The following ZNF544 variants were observed in gnomAD, a reference collection of about 807,000 sequenced individuals.
ZNF544 encodes the protein zinc finger protein 544.
A neutral mutation model predicts 13.5 loss-of-function variants in ZNF544; 10 were observed. The observed-to-expected ratio is 0.74, with a 90% CI of 0.46 to 1.25. The LOEUF (loss-of-function observed/expected upper bound fraction) is 1.25. Among genes scored for constraint, ZNF544 ranks in the 50% most tolerant of loss-of-function variants. The pLI, the probability that ZNF544 is intolerant of heterozygous loss-of-function variation, is 0.00. For missense variants in ZNF544, 896 were observed against 845.6 expected, an observed-to-expected ratio of 1.06 and a Z score of -0.74; for synonymous variants, 323 against 300.5, an observed-to-expected ratio of 1.07 and a Z score of -0.77.
At position 58,249,413 on chromosome 19, in the gene ZNF544, C is replaced by G. The variant is rs1017587336; in HGVS notation, c.244+2619C>G. Among the ~76,000 whole-genome samples the G allele has an allele frequency of 1.1e-4, 16 of 152,152 alleles. 1 individual carries two copies. Among genetic ancestry groups the G allele is most frequent in the African/African-American group, 3.9e-4 (16 of 41,430 alleles). On this transcript the variant is annotated intron_variant, in intron 6 of 6. Transcript: ENST00000687789. The stretch of plus-strand genomic sequence containing the variant: ...GGGTGGTGTCTCCACCTGGAACTGG[C>G]TGGAAACATTGTCACATGATCATCT...
intron 6 of ZNF544, chr19:58,259,373 T>G (rs1467070006): frequency 6.6e-6 from 1 of 152,260 alleles, no homozygotes; most frequent in Non-Finnish European, 1.5e-5. Context: ...CAGAAACTGA[T>G]ATTCTAGGAC....
rs762777697 is a variant in ZNF544 at position 58,262,778 on chromosome 19, TTTCATCC to T, written c.*25_*31del. On this transcript the variant is annotated 3_prime_UTR_variant, in exon 7 of 7. Coordinates refer to ENST00000687789, the MANE Select transcript of ZNF544 (RefSeq NM_014480.4). ...AGGAGTGCAGTCATTGTGGGAAAGC[TTTCATCC>T]AGAGGTCTCCCCTCATCATGCACCA... The T allele has an allele frequency of 2.6e-6, 4 of 1,568,558 alleles. No homozygotes were observed. The South Asian group carries it at 4.8e-5, about 19-fold the overall frequency.
rs372349345 is a variant in ZNF544 at position 58,244,076 on chromosome 19, T to C, written c.33+20T>C. The stretch of plus-strand genomic sequence containing the variant: ...CCCCAGGTGAGTGGGGGGTCTTTGC[T>C]CTCAGTGCCTTGGTCTCCATAGATG... On this transcript the variant is annotated intron_variant, in intron 4 of 6. Coordinates refer to ENST00000687789, the MANE Select transcript of ZNF544 (RefSeq NM_014480.4). The C allele has an allele frequency of 1.7e-5, 28 of 1,600,330 alleles. No homozygotes were observed. In the African/African-American group the frequency reaches 3.8e-4, roughly 21 times the overall value.
At chr19:58,273,461 T>C (rs997022690) in intron 5 of ZNF544, among the ~76,000 whole-genome samples, 2 of 152,002 alleles carry the variant, frequency 1.3e-5, no homozygotes, top group South Asian at 2.1e-4. Flanking sequence ...GAGGCCAAGG[T>C]GGGCGGATCA....
Position 58,263,134 on chromosome 19 carries a change from A to G in ZNF544, c.*380A>G. Reference sequence around the variant, plus strand: ...AGTTATGATACTTTCCTTATTCAACATGAGAAAGCTCATGGGCAAGAAACT... The same window carrying G: ...AGTTATGATACTTTCCTTATTCAACGTGAGAAAGCTCATGGGCAAGAAACT... On this transcript the variant is annotated 3_prime_UTR_variant, in exon 7 of 7. Transcript: ENST00000687789. 1 of 1,011,644 alleles carries G rather than the reference A, an allele frequency of 9.9e-7. No homozygotes were observed. Among genetic ancestry groups the G allele is most frequent in the Non-Finnish European group, 1.2e-6 (1 of 844,828 alleles). 62.7% of individuals were successfully genotyped at this position (1,011,644 alleles called of 1,614,324 possible).
exon 7 of ZNF544, chr19:58,277,195 G>A (rs947444331): frequency 1.9e-5 from 23 of 1,231,298 alleles, no homozygotes; most frequent in Non-Finnish European, 2.3e-5. Context: ...ACGAGGCCCA[G>A]CAAAAAGCAG....
chr19:58,243,982 C>G lies in ZNF544; in HGVS notation c.-42C>G. On this transcript the variant is annotated 5_prime_UTR_variant, in exon 4 of 7. Transcript: ENST00000687789. Reference sequence around the variant, plus strand: ...CACCCCAGACTGGTCTTCTGAGGACCTCTGCCCTCTACACAGCGGCCTCTT... The same window carrying G: ...CACCCCAGACTGGTCTTCTGAGGACGTCTGCCCTCTACACAGCGGCCTCTT... 1 of 1,596,838 alleles carries G rather than the reference C, an allele frequency of 6.3e-7. No homozygotes were observed. Among genetic ancestry groups the G allele is most frequent in the Non-Finnish European group, 8.5e-7 (1 of 1,171,272 alleles).
In ZNF544 at chr19:58,260,836, T is replaced by C. The variant is rs1600388735; in HGVS notation, c.245-15T>C. 11 of 1,559,640 alleles carry C rather than the reference T, an allele frequency of 7.1e-6. 1 individual carries two copies. The Admixed American group carries it at 9.8e-5, about 14-fold the overall frequency. On this transcript the variant is annotated splice_polypyrimidine_tract_variant and intron_variant, in intron 6 of 6. Coordinates refer to ENST00000687789, the MANE Select transcript of ZNF544 (RefSeq NM_014480.4). ...ATGCTTCTCCAGTAACTTAGGCATT[T>C]TGGATTTCTTTCAGACTGGAAAGCT...
chr19:58,240,421 C>T (rs2043319075), intron 3 of ZNF544, among the ~76,000 whole-genome samples: 2 of 151,982 alleles, frequency 1.3e-5, no homozygotes, highest in African/African-American at 4.8e-5. Context: ...CCACGCCCGT[C>T]TAATTTTTTG....
Position 58,261,719 on chromosome 19 carries a change from G to A in ZNF544, c.1113G>A (p.Gln371=), listed in dbSNP as rs2048991417. 1.9e-6 allele frequency: 3 copies of A among 1,614,102 alleles called. No individual in the cohort carries two copies. The Admixed American group carries it at 5.0e-5, about 27-fold the overall frequency. ...TCAGCTGTTGTAAGCTCATACACCAGAGAACACACACTGGAGAAAAGCCCT... is the reference window on the plus strand; with the variant it reads ...TCAGCTGTTGTAAGCTCATACACCAAAGAACACACACTGGAGAAAAGCCCT... ...KSFSCCKLIH[Q]RTHTGEKPFE... Residue 371 remains glutamine, a synonymous_variant, in exon 7 of 7, where the codon CAG becomes CAA. Coordinates refer to ENST00000687789, the MANE Select transcript of ZNF544 (RefSeq NM_014480.4).
At chr19:58,257,540 A>C (rs1338606085) in intron 6 of ZNF544, 1 of 152,208 alleles carries the variant, frequency 6.6e-6, no homozygotes, top group African/African-American at 2.4e-5. Flanking sequence ...GGAGGGGACC[A>C]ATCCGAGGCA....
intron 6 of ZNF544, among the ~76,000 whole-genome samples, chr19:58,259,991 G>A (rs1260599417): frequency 6.6e-6 from 1 of 152,168 alleles, no homozygotes; most frequent in Non-Finnish European, 1.5e-5. Flanking sequence ...CCAGCACTTT[G>A]GGAGGCCAGT....
intron 5 of ZNF544, among the ~76,000 whole-genome samples, chr19:58,271,810 G>A (rs1411024345): frequency 6.6e-6 from 1 of 152,138 alleles, no homozygotes; most frequent in African/African-American, 2.4e-5. Flanking sequence ...ATGAACAACT[G>A]TCCTACTCTC....
chr19:58,261,212 T>C lies in ZNF544; in HGVS notation c.606T>C (p.Asn202=), dbSNP rs2048864985. The change falls in exon 7 of 7, where the codon AAT becomes AAC. Residue 202 remains asparagine (N), a synonymous_variant. Transcript: ENST00000687789. ...TGAAACAAAATTCAGCTTTCATTAA[T>C]CATGAGAAAAATGGAGCAGATGGGA... The part of the protein sequence containing the change: ...KELKQNSAFI[N]HEKNGADGKH... The C allele has an allele frequency of 1.2e-6, 2 of 1,614,150 alleles. No individual in the cohort carries two copies. Among genetic ancestry groups the C allele is most frequent in the Non-Finnish European group, 1.7e-6 (2 of 1,180,042 alleles).
At chr19:58,252,248 C>T (rs1003832830) in intron 6 of ZNF544, among the ~76,000 whole-genome samples, 2 of 152,188 alleles carry the variant, frequency 1.3e-5, no homozygotes, top group African/African-American at 4.8e-5. Flanking sequence ...GCAAGAAATC[C>T]ATATTCTCAT....
intron 6 of ZNF544, among the ~76,000 whole-genome samples, chr19:58,248,585 T>C (rs766588679): frequency 6.6e-6 from 1 of 152,176 alleles, no homozygotes; most frequent in Non-Finnish European, 1.5e-5. Context: ...ATGTACAATG[T>C]CATGTATCCA....
At position 58,262,656 on chromosome 19, in the gene ZNF544, G is replaced by A. The variant is rs1363924979; in HGVS notation, c.2050G>A (p.Gly684Arg). ...TCTTTCCCATCACAGAATTCATTCTGGAGAGAAACCCTATGAATGTAGTGA... is the reference window on the plus strand; with the variant it reads ...TCTTTCCCATCACAGAATTCATTCTAGAGAGAAACCCTATGAATGTAGTGA... ...NLLSHHRIHS[G>R]EKPYECSDCG... Residue 684 changes from glycine (G) to arginine (R), a missense_variant, in exon 7 of 7, where the codon GGA (glycine) becomes AGA (arginine). By Grantham distance (125) the Gly-to-Arg change is moderately radical (BLOSUM62 -2). Transcript: ENST00000687789. 3 of 1,614,112 alleles carry A rather than the reference G, an allele frequency of 1.9e-6. No homozygotes were observed. The highest frequency in any genetic ancestry group is 1.7e-5 in the Admixed American group (1 of 60,012).
chr19:58,270,579 G>C (rs2449628), intron 5 of ZNF544, among the ~76,000 whole-genome samples: 79,104 of 151,884 alleles, frequency 0.52, 20,927 homozygotes, highest in Middle Eastern at 0.64. Flanking sequence ...GGATTACAGG[G>C]ATGAGCCATT....
chr19:58,257,361 A>T (rs1010391061), intron 6 of ZNF544: 6 of 152,280 alleles, frequency 3.9e-5, no homozygotes, highest in Admixed American at 3.3e-4. Context: ...CACTGGTCGC[A>T]GAATTTTCTG....
Sources: allele counts gnomAD v4.1 joint callset (sites outside exome capture counted in the v4.1 genomes callset), GRCh38; gene constraint gnomAD v4.1.1; transcripts MANE v1.5; gene names NCBI Gene and HGNC (gene_info 2026-07-23, HGNC 2026-07-21).